CNTNAP5: variants seen among roughly 807,000 people sequenced by gnomAD.
CNTNAP5 encodes the protein contactin-associated protein-like 5.
CNTNAP5 carries 72 observed loss-of-function variants against 150.2 expected under a neutral mutation model. The observed-to-expected ratio is 0.48, with a 90% CI of 0.40 to 0.58. The LOEUF (loss-of-function observed/expected upper bound fraction) is 0.58, where lower values mean the gene tolerates loss of function less well. CNTNAP5 is among the 20% of genes least tolerant of loss of function. The probability of loss-of-function intolerance (pLI) is 0.00; values close to 1 mark genes in which losing one functional copy is unlikely to be tolerated. For missense variants in CNTNAP5, 1,636 were observed against 1,626.2 expected (o/e 1.01, Z -0.10); for synonymous variants, 672 against 619.8 (o/e 1.08, Z -1.25).
chr2:124,346,727 C>T (rs1689744469), intron 3 of CNTNAP5, among the ~76,000 whole-genome samples: 1 of 151,718 alleles, frequency 6.6e-6, no homozygotes. Flanking sequence ...GTTTGATTAC[C>T]GATTTTACTA....
chr2:124,825,400 C>A (rs1410104724), intron 19 of CNTNAP5, among the ~76,000 whole-genome samples: 3 of 152,058 alleles, frequency 2.0e-5, no homozygotes, highest in African/African-American at 7.2e-5. Flanking sequence ...TCTCAAAGTC[C>A]CATTTAAACT....
chr2:124,046,932 G>T (rs1021751108), intron 1 of CNTNAP5, among the ~76,000 whole-genome samples: 2 of 152,118 alleles, frequency 1.3e-5, no homozygotes, highest in African/African-American at 4.8e-5. Flanking sequence ...GCCTTGAATG[G>T]CCATTAAGGT....
At chr2:124,442,152 AC>A (rs1692690405) in intron 5 of CNTNAP5, among the ~76,000 whole-genome samples, 1 of 152,108 alleles carries the variant, frequency 6.6e-6, no homozygotes, top group Non-Finnish European at 1.5e-5. Context: ...CAAAGTTAAG[AC>A]CCAGGAGAGA....
At chr2:124,542,481 G>C (rs1181763593) in intron 10 of CNTNAP5, among the ~76,000 whole-genome samples, 1 of 151,956 alleles carries the variant, frequency 6.6e-6, no homozygotes, top group African/African-American at 2.4e-5. Context: ...TGGGATTCCA[G>C]AAGTGCACCA....
chr2:124,268,462 T>C (rs973707828), intron 3 of CNTNAP5, among the ~76,000 whole-genome samples: 26 of 152,224 alleles, frequency 1.7e-4, no homozygotes, highest in Non-Finnish European at 3.8e-4. Context: ...CCTACAGTGA[T>C]GTAGTGCTCT....
At chr2:124,516,001 G>T (rs921021364) in intron 8 of CNTNAP5, among the ~76,000 whole-genome samples, 1 of 152,150 alleles carries the variant, frequency 6.6e-6, no homozygotes, top group East Asian at 1.9e-4. Flanking sequence ...ATCAGAAAGA[G>T]ACAGGAGGCT....
intron 12 of CNTNAP5, among the ~76,000 whole-genome samples, chr2:124,641,423 A>G (rs1464206998): frequency 1.3e-5 from 2 of 152,164 alleles, no homozygotes; most frequent in African/African-American, 2.4e-5. Flanking sequence ...TTCCAAGCCT[A>G]TATTTACTAG....
intron 4 of CNTNAP5, among the ~76,000 whole-genome samples, chr2:124,426,199 G>GT (rs1326611491): frequency 7.2e-5 from 11 of 152,182 alleles, no homozygotes; most frequent in African/African-American, 2.6e-4. Context: ...AACGCATCCT[G>GT]TTTTTTCATG....
chr2:124,816,269 A>G (rs1002059865), intron 19 of CNTNAP5, among the ~76,000 whole-genome samples: 3 of 152,110 alleles, frequency 2.0e-5, no homozygotes, highest in African/African-American at 7.2e-5. Context: ...ACAGGCTACA[A>G]TCAAGGTATC....
intron 13 of CNTNAP5, among the ~76,000 whole-genome samples, chr2:124,685,768 G>GCA (rs1489040399): frequency 2.1e-5 from 3 of 143,680 alleles, no homozygotes; most frequent in East Asian, 2.0e-4. Flanking sequence ...GTGTGCGCGC[G>GCA]CGTGTTATTG....
At chr2:124,486,627 C>T (rs1573406885) in intron 7 of CNTNAP5, among the ~76,000 whole-genome samples, 5 of 152,248 alleles carry the variant, frequency 3.3e-5, no homozygotes, top group Admixed American at 3.3e-4. Flanking sequence ...AACAAGGAGA[C>T]ATACACATAT....
intron 3 of CNTNAP5, among the ~76,000 whole-genome samples, chr2:124,368,534 G>T (rs1299516788): frequency 1.3e-5 from 2 of 152,114 alleles, no homozygotes; most frequent in Admixed American, 1.3e-4. Flanking sequence ...CATTAGTTTA[G>T]AAGTTAGTCT....
chr2:124,244,867 A>G (rs535247254), intron 3 of CNTNAP5, among the ~76,000 whole-genome samples: 1 of 152,272 alleles, frequency 6.6e-6, no homozygotes, highest in South Asian at 2.1e-4. Flanking sequence ...TGGTGATTCA[A>G]TGTTAACATC....
chr2:124,790,201 C>A, intron 18 of CNTNAP5, 60 bp downstream of exon 18: 2 of 1,500,094 alleles, frequency 1.3e-6, no homozygotes, highest in South Asian at 2.6e-5. Flanking sequence ...ACGCTATGGT[C>A]AGGCCATGTG....
chr2:124,905,038 C>CAAAAAAAAAAAA (rs55882801), intron 22 of CNTNAP5, among the ~76,000 whole-genome samples: 2 of 50,734 alleles, frequency 3.9e-5, no homozygotes, highest in South Asian at 5.7e-4. Flanking sequence ...AACTCAATAG[C>CAAAAAAAAAAAA]AAAAAAAAAA....
chr2:124,273,263 G>A (rs898416855), intron 3 of CNTNAP5, among the ~76,000 whole-genome samples: 7 of 152,138 alleles, frequency 4.6e-5, no homozygotes, highest in African/African-American at 1.7e-4. Flanking sequence ...GATATAGTGG[G>A]TGATATAGTG....
chr2:124,434,711 A>G, intron 5 of CNTNAP5, 24 bp downstream of exon 5: 1 of 1,572,536 alleles, frequency 6.4e-7, no homozygotes, highest in Non-Finnish European at 8.7e-7. Context: ...TCCTCTTCCA[A>G]TGCCAAGGGA....
intron 22 of CNTNAP5, among the ~76,000 whole-genome samples, chr2:124,909,971 C>T (rs1184263152): frequency 2.0e-5 from 3 of 151,382 alleles, no homozygotes; most frequent in East Asian, 3.9e-4. Flanking sequence ...TTATCAATGT[C>T]ACCAGTTCTG....
intron 11 of CNTNAP5, among the ~76,000 whole-genome samples, chr2:124,601,643 C>T (rs1315684257): frequency 2.0e-5 from 3 of 152,064 alleles, no homozygotes; most frequent in East Asian, 1.9e-4. Context: ...TGAAGTATTG[C>T]GTCAATGAGT....
Sources: allele counts gnomAD v4.1 joint callset (sites outside exome capture counted in the v4.1 genomes callset), GRCh38; gene constraint gnomAD v4.1.1; transcripts MANE v1.5; gene names NCBI Gene and HGNC (gene_info 2026-07-23, HGNC 2026-07-21).